ERO1A: variants seen among roughly 807,000 people sequenced by gnomAD.
ERO1A encodes the protein ERO1-like protein alpha.
In ERO1A, 49 loss-of-function variants were observed where a neutral mutation model predicts 76.9. The observed-to-expected ratio is 0.64, with a 90% CI of 0.51 to 0.81. The LOEUF is 0.81. ERO1A is among the 30% of genes least tolerant of loss of function. The pLI is 0.00. For missense variants in ERO1A, 448 were observed against 542.1 expected, an observed-to-expected ratio of 0.83 and a Z score of 1.72; for synonymous variants, 174 against 181.2, an observed-to-expected ratio of 0.96 and a Z score of 0.32.
In ERO1A at chr14:52,642,059, CAT is replaced by C. The variant is rs1178528666; in HGVS notation, c.*1509_*1510del. Reference sequence around the variant, plus strand: ...TTTCAACATGTTATACCTGATAAGACATATGTAAAGAGGGCACGATTTTGAGG... The same window carrying C: ...TTTCAACATGTTATACCTGATAAGACATGTAAAGAGGGCACGATTTTGAGG... On this transcript the variant is annotated 3_prime_UTR_variant, in exon 16 of 16. Transcript: ENST00000395686. 2 of 152,150 alleles carry C rather than the reference CAT, an allele frequency of 1.3e-5. No homozygotes were observed. Among genetic ancestry groups the C allele is most frequent in the Non-Finnish European group, 2.9e-5 (2 of 68,032 alleles). 9.4% of individuals were successfully genotyped at this position (152,150 alleles called of 1,614,324 possible).
At chr14:52,693,274 A>G (rs944801155) in intron 1 of ERO1A, among the ~76,000 whole-genome samples, 8 of 151,994 alleles carry the variant, frequency 5.3e-5, no homozygotes, top group Admixed American at 6.6e-5. Context: ...GCACAATCTA[A>G]TCACCTGCCA....
At chr14:52,675,810 G>C (rs1399609468) in intron 4 of ERO1A, among the ~76,000 whole-genome samples, 2 of 151,890 alleles carry the variant, frequency 1.3e-5, no homozygotes, top group Non-Finnish European at 2.9e-5. Context: ...AATTTTTGTA[G>C]AGATGGGGTT....
chr14:52,658,023 G>C lies in ERO1A; in HGVS notation c.716-14C>G. On this transcript the variant is annotated splice_polypyrimidine_tract_variant and intron_variant, in intron 10 of 15. Coordinates refer to ENST00000395686, the MANE Select transcript of ERO1A (RefSeq NM_014584.3). ...CTACACAGAGACCTAAGAAAAAGCA[G>C]TGACTTAGAAATAAAATTTCATATG... 6.3e-7 allele frequency: 1 copy of C among 1,578,188 alleles called. No individual in the cohort carries two copies.
chr14:52,671,452 G>A (rs1419260261), intron 6 of ERO1A, 178 bp downstream of exon 6: 29 of 494,392 alleles, frequency 5.9e-5, no homozygotes. Flanking sequence ...TCTGAGATGG[G>A]TCTTACTATG....
chr14:52,684,994 T>A (rs2041133750), intron 1 of ERO1A, among the ~76,000 whole-genome samples: 1 of 152,124 alleles, frequency 6.6e-6, no homozygotes, highest in African/African-American at 2.4e-5. Context: ...TCTTTATACT[T>A]TGGTCTAGAT....
intron 1 of ERO1A, among the ~76,000 whole-genome samples, chr14:52,685,506 G>A (rs1389336890): frequency 1.3e-5 from 2 of 152,002 alleles, no homozygotes; most frequent in Non-Finnish European, 2.9e-5. Flanking sequence ...AACTTCTAGG[G>A]ACAAAAAATA....
chr14:52,689,694 A>C (rs555747943), intron 1 of ERO1A, among the ~76,000 whole-genome samples: 1 of 152,332 alleles, frequency 6.6e-6, no homozygotes, highest in South Asian at 2.1e-4. Context: ...TAATATTGTT[A>C]AAAAGCCCAT....
intron 3 of ERO1A, among the ~76,000 whole-genome samples, chr14:52,679,970 G>C (rs962900675): frequency 6.6e-6 from 1 of 151,530 alleles, no homozygotes; most frequent in African/African-American, 2.4e-5. Flanking sequence ...TGAGGTGAGA[G>C]GACTGCTTAG....
At chr14:52,649,599 T>C (rs1026295945) in intron 13 of ERO1A, among the ~76,000 whole-genome samples, 15 of 151,762 alleles carry the variant, frequency 9.9e-5, no homozygotes, top group African/African-American at 3.4e-4. Context: ...ATCTGCATGA[T>C]TTAAAAAGAG....
At position 52,648,761 on chromosome 14, in the gene ERO1A, C is replaced by T. The variant is rs78005328; in HGVS notation, c.1126-2300G>A. 3.1e-3 allele frequency among the ~76,000 whole-genome samples: 465 copies of T among 152,248 alleles called. 1 individual carries two copies. Among genetic ancestry groups the T allele is most frequent in the African/African-American group, 0.01 (426 of 41,560 alleles). On this transcript the variant is annotated intron_variant, in intron 13 of 15. Coordinates refer to ENST00000395686, the MANE Select transcript of ERO1A (RefSeq NM_014584.3). ...ACGCTAATTTCAATGTTTGCTTCTA[C>T]GTTAATTCAAATACTTGAATGTGAC...
At chr14:52,688,407 A>T (rs2041248012) in intron 1 of ERO1A, among the ~76,000 whole-genome samples, 2 of 152,170 alleles carry the variant, frequency 1.3e-5, no homozygotes, top group Admixed American at 6.5e-5. Context: ...ACTTTATCCC[A>T]GCTATTTAAC....
rs137970140 is a variant in ERO1A at position 52,691,732 on chromosome 14, T to C, written c.114+3636A>G. ...TTTCATTAGCCTGACAGAGATTTAC[T>C]GTGCTCAAATAAGCTATCCTGAGTG... On this transcript the variant is annotated intron_variant, in intron 1 of 15. Coordinates refer to ENST00000395686, the MANE Select transcript of ERO1A (RefSeq NM_014584.3). 1.0e-3 allele frequency among the ~76,000 whole-genome samples: 159 copies of C among 152,376 alleles called. 1 individual carries two copies. Among genetic ancestry groups the C allele is most frequent in the African/African-American group, 3.7e-3 (155 of 41,580 alleles).
chr14:52,663,896 A>G, intron 7 of ERO1A, 49 bp from the exon 8 acceptor site: 2 of 1,083,414 alleles, frequency 1.8e-6, no homozygotes, highest in East Asian at 2.4e-5. Context: ...GTTACCAATC[A>G]TGTTATATTT....
intron 15 of ERO1A, among the ~76,000 whole-genome samples, chr14:52,644,039 C>T (rs550503279): frequency 6.6e-6 from 1 of 152,062 alleles, no homozygotes; most frequent in South Asian, 2.1e-4. Flanking sequence ...ACTTGGAAAC[C>T]CGAGGTAGGA....
chr14:52,668,599 A>G (rs1489881558), intron 6 of ERO1A, among the ~76,000 whole-genome samples: 4 of 151,842 alleles, frequency 2.6e-5, no homozygotes, highest in African/African-American at 9.7e-5. Flanking sequence ...AACAACGGTC[A>G]GTATCCAGGA....
chr14:52,667,656 A>G (rs2040456535), intron 6 of ERO1A, among the ~76,000 whole-genome samples: 1 of 152,156 alleles, frequency 6.6e-6, no homozygotes, highest in African/African-American at 2.4e-5. Flanking sequence ...CAGGAGGTCC[A>G]GGCTGCAGTG....
At position 52,651,955 on chromosome 14, in the gene ERO1A, C is replaced by A. The variant is rs559355578; in HGVS notation, c.1125+284G>T. Among the ~76,000 whole-genome samples the A allele has an allele frequency of 7.2e-5, 11 of 151,880 alleles. 1 individual carries two copies. In the South Asian group the frequency reaches 2.3e-3, roughly 32 times the overall value. On this transcript the variant is annotated intron_variant, in intron 13 of 15. Coordinates refer to ENST00000395686, the MANE Select transcript of ERO1A (RefSeq NM_014584.3). ...TCCGTTTTCCCCATCCACTCCCCAC[C>A]CCCAGCCTGTGGTAACCATCATTCT...
chr14:52,653,131 A>G lies in ERO1A; in HGVS notation c.993T>C (p.Thr331=). The part of the protein sequence containing the change: ...FFERPDFQLF[T]GNKIQDEENK... ...TTTCCTCATCCTGAATTTTATTTCC[A>G]GTAAAGAGTTGAAAATCTGGGCGCT... The change falls in exon 12 of 16, where the codon ACT becomes ACC. Residue 331 remains threonine (T), a synonymous_variant. Coordinates refer to ENST00000395686, the MANE Select transcript of ERO1A (RefSeq NM_014584.3). 1 of 1,608,756 alleles carries G rather than the reference A, an allele frequency of 6.2e-7. No individual in the cohort carries two copies. The highest frequency in any genetic ancestry group is 8.5e-7 in the Non-Finnish European group (1 of 1,175,312).
chr14:52,695,153 C>T (rs904685876), intron 1 of ERO1A, among the ~76,000 whole-genome samples: 1 of 152,242 alleles, frequency 6.6e-6, no homozygotes, highest in African/African-American at 2.4e-5. Flanking sequence ...TGGTCCGAGG[C>T]ACCGGAGGGC....
Sources: allele counts gnomAD v4.1 joint callset (sites outside exome capture counted in the v4.1 genomes callset), GRCh38; gene constraint gnomAD v4.1.1; transcripts MANE v1.5; gene names NCBI Gene and HGNC (gene_info 2026-07-23, HGNC 2026-07-21).